Variants in MAST4 observed in about 807,000 individuals in gnomAD.
The protein encoded by MAST4 is microtubule-associated serine/threonine-protein kinase 4.
Under a neutral mutation model 162.7 loss-of-function variants are expected in MAST4, and 89 were observed. The ratio of observed to expected loss-of-function variants is 0.55; its 90% confidence interval spans 0.46 to 0.65. MAST4 has a LOEUF of 0.65. Among genes scored for constraint, MAST4 ranks in the 30% least tolerant of loss-of-function variants. The pLI is 0.00. For missense variants in MAST4, 3,153 were observed against 3,374.0 expected (o/e 0.93, Z 1.62); for synonymous variants, 1,479 against 1,361.1 (o/e 1.09, Z -1.91).
At chr5:66,661,789 A>G (rs532928301) in intron 1 of MAST4, among the ~76,000 whole-genome samples, 2 of 152,342 alleles carry the variant, frequency 1.3e-5, no homozygotes, top group East Asian at 3.9e-4. Context: ...AATGTGGTAC[A>G]AAAAAGAATT....
At chr5:66,910,684 G>A (rs947710436) in intron 4 of MAST4, among the ~76,000 whole-genome samples, 1 of 150,424 alleles carries the variant, frequency 6.6e-6, no homozygotes. Flanking sequence ...CTCACCCTCT[G>A]AGTATTTTGG....
At chr5:67,036,697 C>A (rs1162535165) in intron 4 of MAST4, among the ~76,000 whole-genome samples, 1 of 151,982 alleles carries the variant, frequency 6.6e-6, no homozygotes, top group Non-Finnish European at 1.5e-5. Flanking sequence ...GGAATAATGA[C>A]AAGAAAAAAA....
intron 3 of MAST4, among the ~76,000 whole-genome samples, chr5:66,824,453 G>T (rs1022807421): frequency 2.6e-5 from 4 of 152,200 alleles, no homozygotes; most frequent in African/African-American, 9.6e-5. Context: ...TGGATAGGCA[G>T]TTCAGCGAGA....
At chr5:67,017,023 G>A (rs1160176156) in intron 4 of MAST4, among the ~76,000 whole-genome samples, 4 of 152,180 alleles carry the variant, frequency 2.6e-5, no homozygotes, top group Non-Finnish European at 4.4e-5. Context: ...TCTTGAAGGT[G>A]CTATTGCTAA....
At chr5:66,838,830 T>A (rs1758216808) in intron 3 of MAST4, among the ~76,000 whole-genome samples, 1 of 152,204 alleles carries the variant, frequency 6.6e-6, no homozygotes, top group Non-Finnish European at 1.5e-5. Context: ...AGGAAGTGTT[T>A]AGCAGAGTCT....
chr5:67,125,627 C>T (rs777142453), intron 14 of MAST4, among the ~76,000 whole-genome samples: 64 of 152,120 alleles, frequency 4.2e-4, no homozygotes, highest in Non-Finnish European at 8.1e-4. Context: ...GTATACATGC[C>T]ACATTTTCCT....
chr5:66,934,772 C>A (rs1264382454), intron 4 of MAST4, among the ~76,000 whole-genome samples: 1 of 152,132 alleles, frequency 6.6e-6, no homozygotes, highest in African/African-American at 2.4e-5. Flanking sequence ...GTAAACTAAC[C>A]TGGCAGCAAA....
At chr5:66,992,893 A>C (rs1302807441) in intron 4 of MAST4, among the ~76,000 whole-genome samples, 3 of 152,156 alleles carry the variant, frequency 2.0e-5, no homozygotes, top group African/African-American at 7.2e-5. Context: ...CTGTTGATGT[A>C]GCACTCTTGA....
chr5:66,769,304 C>T (rs1047013944), intron 2 of MAST4, among the ~76,000 whole-genome samples: 30 of 152,030 alleles, frequency 2.0e-4, no homozygotes, highest in Non-Finnish European at 1.0e-4. Flanking sequence ...TTCTGGGGCT[C>T]GAGCCAAAGC....
chr5:66,882,747 A>G (rs1350891228), intron 3 of MAST4, among the ~76,000 whole-genome samples: 5 of 152,162 alleles, frequency 3.3e-5, no homozygotes, highest in Admixed American at 6.5e-5. Flanking sequence ...GCCATGGGTC[A>G]TAACAATATC....
chr5:66,970,934 A>G (rs1215048702), intron 4 of MAST4, among the ~76,000 whole-genome samples: 3 of 152,304 alleles, frequency 2.0e-5, no homozygotes, highest in South Asian at 2.1e-4. Context: ...GTGATGCTCA[A>G]AAGCACTCCC....
At chr5:66,745,358 G>A (rs2149580994) in intron 1 of MAST4, among the ~76,000 whole-genome samples, 1 of 152,286 alleles carries the variant, frequency 6.6e-6, no homozygotes, top group East Asian at 1.9e-4. Flanking sequence ...ATGATGTATG[G>A]TGCCCATGGA....
chr5:67,089,034 T>C lies in MAST4; in HGVS notation c.764-1128T>C, dbSNP rs375341319. Among the ~76,000 whole-genome samples, 12 of 152,344 alleles carry C rather than the reference T, an allele frequency of 7.9e-5. No individual in the cohort carries two copies. In the East Asian group the frequency reaches 1.7e-3, roughly 22 times the overall value. On this transcript the variant is annotated intron_variant, in intron 5 of 28. Transcript: ENST00000403625. ...ATGTACTGACTTTGACATAAAATCTTGTCTTCCTTACACCCAATTACAATA... is the reference window on the plus strand; with the variant it reads ...ATGTACTGACTTTGACATAAAATCTCGTCTTCCTTACACCCAATTACAATA...
At chr5:66,634,348 T>C (rs1184988728) in intron 1 of MAST4, among the ~76,000 whole-genome samples, 1 of 147,954 alleles carries the variant, frequency 6.8e-6, no homozygotes, top group African/African-American at 2.5e-5. Flanking sequence ...TGTGAGCCAC[T>C]GCACCCAGCC....
At chr5:66,856,305 G>T (rs1010537374) in intron 3 of MAST4, among the ~76,000 whole-genome samples, 7 of 152,202 alleles carry the variant, frequency 4.6e-5, no homozygotes, top group Admixed American at 3.3e-4. Context: ...CCTGACTCCC[G>T]ATTGTGTGGT....
chr5:66,755,931 C>T (rs1753509709), intron 1 of MAST4, among the ~76,000 whole-genome samples: 1 of 152,150 alleles, frequency 6.6e-6, no homozygotes. Flanking sequence ...ATTTGTAAAA[C>T]AGCATATAAT....
intron 4 of MAST4, among the ~76,000 whole-genome samples, chr5:66,910,437 G>A (rs1763666388): frequency 6.6e-6 from 1 of 152,202 alleles, no homozygotes; most frequent in African/African-American, 2.4e-5. Context: ...TACCCGGGTT[G>A]TGTGGTAGCA....
At chr5:66,860,359 T>C (rs1008396692) in intron 3 of MAST4, among the ~76,000 whole-genome samples, 2 of 152,218 alleles carry the variant, frequency 1.3e-5, no homozygotes, top group Non-Finnish European at 2.9e-5. Flanking sequence ...AGAGAGCAAA[T>C]TATTGCCTTG....
At position 66,891,608 on chromosome 5, in the gene MAST4, C is replaced by T. The variant is rs112954523; in HGVS notation, c.643-8343C>T. Among the ~76,000 whole-genome samples the T allele has an allele frequency of 7.5e-3, 1,147 of 152,296 alleles. 19 individuals are homozygous for T. The highest frequency in any genetic ancestry group is 0.026 in the African/African-American group (1,085 of 41,550). ...TCCCTGCCTCCATACTCCTGTCCTG[C>T]TGATTTTTCCTTCCTGATCTCTGTT... On this transcript the variant is annotated intron_variant, in intron 3 of 28. Transcript: ENST00000403625.
Sources: gnomAD v4.1 joint callset for allele counts (sites outside exome capture counted in the v4.1 genomes callset) on GRCh38, gnomAD v4.1.1 for gene constraint, MANE v1.5 for transcripts, NCBI Gene and HGNC (gene_info 2026-07-23, HGNC 2026-07-21) for gene names.